Variants in GALNT12 observed in about 807,000 individuals in gnomAD.
The protein encoded by GALNT12 is polypeptide N-acetylgalactosaminyltransferase 12, also known as UDP-GalNAc:polypeptide N-acetylgalactosaminyltransferase 12.
In GALNT12, 45 loss-of-function variants were observed where a neutral mutation model predicts 55.5. The ratio of observed to expected loss-of-function variants is 0.81; its 90% CI spans 0.64 to 1.04. The LOEUF (loss-of-function observed/expected upper bound fraction) is 1.04. GALNT12 is among the 50% of genes least tolerant of loss of function. The probability of loss-of-function intolerance (pLI) is 0.00; values close to 1 mark genes in which losing one functional copy is unlikely to be tolerated. For synonymous variants in GALNT12, 304 were observed against 312.2 expected (o/e 0.97, Z 0.28); for missense variants, 709 against 754.8 (o/e 0.94, Z 0.71).
At chr9:98,828,131 G>C (rs1055496110) in intron 3 of GALNT12, among the ~76,000 whole-genome samples, 4 of 152,194 alleles carry the variant, frequency 2.6e-5, no homozygotes, top group Admixed American at 6.5e-5. Context: ...GAGGGGCAGG[G>C]TCTCTGCAGC....
intron 8 of GALNT12, among the ~76,000 whole-genome samples, chr9:98,845,569 G>A (rs1483597145): frequency 6.6e-6 from 1 of 152,114 alleles, no homozygotes; most frequent in Non-Finnish European, 1.5e-5. Context: ...TCATATTGGG[G>A]GTTTGGGAGG....
chr9:98,837,001 A>T lies in GALNT12; in HGVS notation c.1065A>T (p.Thr355=). The stretch of plus-strand genomic sequence containing the variant: ...GGCAGTGTGGTGGGGTTCTGGAAAC[A>T]CACCCATGTTCCCATGTTGGCCATG... ...RIWQCGGVLE[T]HPCSHVGHVF... The change falls in exon 6 of 10, where the codon ACA becomes ACT. Residue 355 remains threonine, a synonymous_variant. Coordinates refer to ENST00000375011, the MANE Select transcript of GALNT12 (RefSeq NM_024642.5). The T allele has an allele frequency of 6.2e-7, 1 of 1,614,062 alleles. No individual in the cohort carries two copies. Among genetic ancestry groups the T allele is most frequent in the South Asian group, 1.1e-5 (1 of 91,076 alleles).
chr9:98,829,168 T>C (rs1000945355), intron 3 of GALNT12, among the ~76,000 whole-genome samples: 2 of 148,308 alleles, frequency 1.3e-5, no homozygotes, highest in African/African-American at 4.9e-5. Context: ...TATCTATCTA[T>C]CTATCTATCT....
chr9:98,824,819 T>C (rs946296811), intron 2 of GALNT12, among the ~76,000 whole-genome samples: 7 of 152,214 alleles, frequency 4.6e-5, no homozygotes, highest in African/African-American at 9.6e-5. Context: ...GGATCATGTA[T>C]AGGACAGAAC....
chr9:98,807,946 G>GGCTGCA lies in GALNT12; in HGVS notation c.256_261dup (p.Leu86_Gln87dup). On this transcript the variant is annotated inframe_insertion, in exon 1 of 10. Coordinates refer to ENST00000375011, the MANE Select transcript of GALNT12 (RefSeq NM_024642.5). ...CTGGGCGCGCGGGGCGAGGCGGTGC[G>GGCTGCA]GCTGCAGCTGCAGGGCGAGGAGCTG... 1 of 1,391,758 alleles carries GGCTGCA rather than the reference G, an allele frequency of 7.2e-7. No homozygotes were observed. The highest frequency in any genetic ancestry group is 1.6e-5 in the South Asian group (1 of 64,136). The allele number at this position is 1,391,758 out of a possible 1,614,324, so 86.2% of individuals were successfully genotyped here. A position where few individuals can be genotyped will look rare whatever the true frequency, so the allele number is the denominator to read the frequency against.
intron 7 of GALNT12, 110 bp from the exon 8 acceptor site, chr9:98,843,986 G>A: frequency 1.3e-6 from 1 of 757,184 alleles, no homozygotes; most frequent in Admixed American, 1.9e-5. Flanking sequence ...TTTGCGTCTA[G>A]CTCTTGAAGC....
intron 2 of GALNT12, among the ~76,000 whole-genome samples, chr9:98,825,823 A>G (rs991863032): frequency 1.3e-5 from 2 of 152,036 alleles, no homozygotes; most frequent in Non-Finnish European, 2.9e-5. Context: ...AAAAATTTTA[A>G]AAGTAGCTAG....
chr9:98,817,067 T>C (rs1431230960), intron 1 of GALNT12, among the ~76,000 whole-genome samples: 2 of 152,052 alleles, frequency 1.3e-5, no homozygotes, highest in African/African-American at 4.8e-5. Flanking sequence ...ACCTCGTGAT[T>C]CACCCGCCTC....
chr9:98,819,250 G>T (rs187570876), intron 1 of GALNT12, among the ~76,000 whole-genome samples: 3 of 152,170 alleles, frequency 2.0e-5, no homozygotes, highest in African/African-American at 7.2e-5. Context: ...AGATGGAGCC[G>T]CATTCTCCTC....
At chr9:98,811,358 A>T (rs566629000) in intron 1 of GALNT12, among the ~76,000 whole-genome samples, 103 of 152,352 alleles carry the variant, frequency 6.8e-4, no homozygotes, top group Middle Eastern at 3.4e-3. Context: ...GTTTCCATAG[A>T]ATACGGGGAA....
intron 3 of GALNT12, among the ~76,000 whole-genome samples, chr9:98,827,917 C>T (rs1002751924): frequency 6.6e-6 from 1 of 152,146 alleles, no homozygotes; most frequent in African/African-American, 2.4e-5. Context: ...TACCTTCCCC[C>T]CTCAAGAAGC....
rs568625965 is a variant in GALNT12, at chr9:98,807,718, G to T, written c.20G>T (p.Arg7Leu). MWGRTA[R>L]RRCPRELRRG... is the part of the protein sequence containing the mutation. ...GGGCGCATGTGGGGGCGCACGGCGC[G>T]GCGGCGCTGCCCGCGGGAACTGCGG... Residue 7 changes from arginine (R) to leucine (L), a missense_variant, in exon 1 of 10, where the codon CGG (arginine) becomes CTG (leucine). By Grantham distance (102) the Arg-to-Leu change is moderately radical. Around this residue, in one of 5 missense-constraint regions of GALNT12, gnomAD observed 110 missense variants for 102.2 expected, o/e 1.08. Coordinates refer to ENST00000375011, the MANE Select transcript of GALNT12 (RefSeq NM_024642.5). The T allele has an allele frequency of 9.1e-5, 107 of 1,176,796 alleles. No homozygotes were observed. In the African/African-American group the frequency reaches 1.6e-3, roughly 17 times the overall value. 72.9% of individuals were successfully genotyped at this position (1,176,796 alleles called of 1,614,324 possible). A position where few individuals can be genotyped will look rare whatever the true frequency, so the allele number is the denominator to read the frequency against.
intron 8 of GALNT12, among the ~76,000 whole-genome samples, chr9:98,845,030 A>G (rs543061943): frequency 2.4e-4 from 37 of 152,304 alleles, no homozygotes; most frequent in African/African-American, 8.4e-4. Context: ...CTTGAATATG[A>G]GGCCTTCTTA....
At chr9:98,836,238 G>A (rs1388303064) in intron 5 of GALNT12, among the ~76,000 whole-genome samples, 2 of 152,216 alleles carry the variant, frequency 1.3e-5, no homozygotes, top group African/African-American at 2.4e-5. Flanking sequence ...TCCAGTTAAT[G>A]AAGTCTTACA....
At chr9:98,821,804 C>G (rs1835749141) in intron 1 of GALNT12, among the ~76,000 whole-genome samples, 2 of 152,032 alleles carry the variant, frequency 1.3e-5, no homozygotes, top group African/African-American at 4.8e-5. Flanking sequence ...CTCTCCTTCC[C>G]CCTCCCCACT....
chr9:98,809,057 A>G lies in GALNT12; in HGVS notation c.371+988A>G, dbSNP rs557016989. 9.9e-5 allele frequency among the ~76,000 whole-genome samples: 15 copies of G among 152,238 alleles called. No individual in the cohort carries two copies. In the East Asian group the frequency reaches 2.7e-3, roughly 28 times the overall value. On this transcript the variant is annotated intron_variant, in intron 1 of 9. Coordinates refer to ENST00000375011, the MANE Select transcript of GALNT12 (RefSeq NM_024642.5). ...AGGTGTGGAAATAGGTTCGGAAAGGATAGGTGACCCACCCAAGGCCCCTCA... is the reference window on the plus strand; with the variant it reads ...AGGTGTGGAAATAGGTTCGGAAAGGGTAGGTGACCCACCCAAGGCCCCTCA...
At position 98,836,985 on chromosome 9, in the gene GALNT12, G is replaced by T; in HGVS notation, c.1049G>T (p.Gly350Val). ...CTCTGTGTGCAGATCTGGCAGTGTG[G>T]TGGGGTTCTGGAAACACACCCATGT... Reference protein sequence around the residue: ...LEFSFRIWQCGGVLETHPCSH... With the variant: ...LEFSFRIWQCVGVLETHPCSH... The change falls in exon 6 of 10, where the codon GGT (glycine) becomes GTT (valine). Residue 350 changes from glycine (G) to valine (V), a missense_variant. By Grantham distance (109) the Gly-to-Val change is moderately radical (BLOSUM62 -3). Around this residue, in one of 5 missense-constraint regions of GALNT12, gnomAD observed 262 missense variants for 310.7 expected, o/e 0.84. Coordinates refer to ENST00000375011, the MANE Select transcript of GALNT12 (RefSeq NM_024642.5). 1 of 1,614,108 alleles carries T rather than the reference G, an allele frequency of 6.2e-7. No homozygotes were observed. The highest frequency in any genetic ancestry group is 1.7e-5 in the Admixed American group (1 of 60,026).
chr9:98,845,922 C>G, intron 8 of GALNT12, 55 bp from the exon 9 acceptor site: 1 of 1,597,744 alleles, frequency 6.3e-7, no homozygotes, highest in South Asian at 1.1e-5. Context: ...GCGATCTTTC[C>G]TCTTCCCACA....
At chr9:98,840,436 T>A (rs1453999893) in intron 7 of GALNT12, among the ~76,000 whole-genome samples, 1 of 152,240 alleles carries the variant, frequency 6.6e-6, no homozygotes, top group Non-Finnish European at 1.5e-5. Flanking sequence ...CCTTATCATA[T>A]TACTTCTAGT....
Sources: allele counts gnomAD v4.1 joint callset (sites outside exome capture counted in the v4.1 genomes callset), GRCh38; gene constraint gnomAD v4.1.1; regional missense constraint gnomAD v4.1.1; transcripts MANE v1.5; gene names NCBI Gene and HGNC (gene_info 2026-07-23, HGNC 2026-07-21).